The following TMC1 variants were observed in gnomAD, a reference collection of about 807,000 sequenced individuals.
TMC1 encodes the protein transmembrane channel like 1.
A neutral mutation model predicts 105.8 loss-of-function variants in TMC1; 84 were observed. The observed-to-expected ratio is 0.79, with a 90% CI of 0.67 to 0.95. TMC1 has a LOEUF of 0.95. Ranked by LOEUF, TMC1 falls within the 40% of genes least tolerant of loss-of-function variation. The pLI is 0.00. For synonymous variants in TMC1, 315 were observed against 311.5 expected (o/e 1.01, Z -0.12); for missense variants, 817 against 914.1 (o/e 0.89, Z 1.37).
At chr9:72,638,270 TC>T (rs1825566993) in intron 4 of TMC1, among the ~76,000 whole-genome samples, 1 of 152,152 alleles carries the variant, frequency 6.6e-6, no homozygotes, top group African/African-American at 2.4e-5. Flanking sequence ...CATCTATCAC[TC>T]CCCACACACT....
intron 8 of TMC1, among the ~76,000 whole-genome samples, chr9:72,732,367 A>T (rs1827226108): frequency 6.6e-6 from 1 of 152,182 alleles, no homozygotes; most frequent in African/African-American, 2.4e-5. Flanking sequence ...GTTCGAAAAC[A>T]GCCTGGCCAA....
chr9:72,805,185 G>A, intron 17 of TMC1, 197 bp from the exon 18 acceptor site: 1 of 455,800 alleles, frequency 2.2e-6, no homozygotes, highest in Non-Finnish European at 3.8e-6. Context: ...TAGTAAACGG[G>A]AAATAATTAT....
intron 3 of TMC1, among the ~76,000 whole-genome samples, chr9:72,619,538 T>G (rs1321144275): frequency 6.6e-6 from 1 of 152,134 alleles, no homozygotes; most frequent in African/African-American, 2.4e-5. Flanking sequence ...AGTTGCTATA[T>G]CTGTGTGGCA....
intron 5 of TMC1, 91 bp downstream of exon 5, chr9:72,648,755 T>A (rs1396594819): frequency 2.5e-6 from 3 of 1,199,078 alleles, no homozygotes; most frequent in Non-Finnish European, 3.7e-6. Flanking sequence ...TGTTTTACAA[T>A]TTTTGTTCCC....
chr9:72,582,834 A>C (rs894724756), intron 2 of TMC1, among the ~76,000 whole-genome samples: 2 of 152,252 alleles, frequency 1.3e-5, no homozygotes, highest in Non-Finnish European at 2.9e-5. Context: ...TGTTAAACCC[A>C]CACTAAACCT....
chr9:72,656,989 T>A (rs1825894452), intron 5 of TMC1, among the ~76,000 whole-genome samples: 1 of 152,216 alleles, frequency 6.6e-6, no homozygotes, highest in Non-Finnish European at 1.5e-5. Context: ...TCTTGTAAGG[T>A]CTGGACACTG....
chr9:72,663,245 A>G (rs1039461086), intron 5 of TMC1, among the ~76,000 whole-genome samples: 2 of 152,084 alleles, frequency 1.3e-5, no homozygotes, highest in Non-Finnish European at 2.9e-5. Context: ...AGGTGTTAGA[A>G]TTTGCTTCTT....
chr9:72,792,379 C>A (rs765470132), intron 17 of TMC1, 27 bp downstream of exon 17: 2 of 1,613,418 alleles, frequency 1.2e-6, no homozygotes, highest in Non-Finnish European at 1.7e-6. Context: ...AAGTGTATGG[C>A]AATTAGTAGA....
intron 20 of TMC1, among the ~76,000 whole-genome samples, chr9:72,825,183 A>C (rs1043657561): frequency 6.6e-6 from 1 of 152,210 alleles, no homozygotes; most frequent in South Asian, 2.1e-4. Context: ...TGCACTAAGC[A>C]CTAGAAGAGA....
At chr9:72,557,106 C>T (rs777167509) in intron 1 of TMC1, among the ~76,000 whole-genome samples, 1 of 152,200 alleles carries the variant, frequency 6.6e-6, no homozygotes, top group Non-Finnish European at 1.5e-5. Flanking sequence ...TGGCTTGGCT[C>T]ATGCCTATCA....
intron 1 of TMC1, among the ~76,000 whole-genome samples, chr9:72,566,817 CT>C (rs1415757917): frequency 2.6e-5 from 4 of 152,234 alleles, no homozygotes; most frequent in Non-Finnish European, 5.9e-5. Flanking sequence ...CTAAGGCCTT[CT>C]CCCCGCTTTC....
At position 72,751,967 on chromosome 9, in the gene TMC1, A is replaced by G. The variant is rs760128641; in HGVS notation, c.642+11A>G. ...ATCATGTTGCCAGAGGTGAGATCTGACTTCCAGTTTACAAAACATGCTGAA... is the reference window on the plus strand; with the variant it reads ...ATCATGTTGCCAGAGGTGAGATCTGGCTTCCAGTTTACAAAACATGCTGAA... On this transcript the variant is annotated intron_variant, in intron 11 of 23. Transcript: ENST00000297784. 6.5e-6 allele frequency: 10 copies of G among 1,528,936 alleles called. No homozygotes were observed. The South Asian group carries it at 1.1e-4, about 17-fold the overall frequency. 94.7% of individuals were successfully genotyped at this position (1,528,936 alleles called of 1,614,324 possible).
At chr9:72,678,084 CT>C (rs1826230418) in intron 5 of TMC1, among the ~76,000 whole-genome samples, 2 of 152,084 alleles carry the variant, frequency 1.3e-5, no homozygotes, top group African/African-American at 2.4e-5. Context: ...ACTTTCACAC[CT>C]TTTGGGTAAA....
intron 20 of TMC1, among the ~76,000 whole-genome samples, chr9:72,823,128 T>G (rs1185859117): frequency 6.6e-6 from 1 of 152,206 alleles, no homozygotes; most frequent in Non-Finnish European, 1.5e-5. Context: ...TCAGGGAATT[T>G]TAAATATTTT....
chr9:72,532,470 G>A (rs548409355), intron 1 of TMC1, among the ~76,000 whole-genome samples: 3 of 148,684 alleles, frequency 2.0e-5, no homozygotes, highest in African/African-American at 7.4e-5. Context: ...GAATCTGGGA[G>A]GCAGAGGTTG....
chr9:72,715,139 C>T (rs577395906), intron 8 of TMC1, among the ~76,000 whole-genome samples: 1 of 152,312 alleles, frequency 6.6e-6, no homozygotes, highest in East Asian at 1.9e-4. Context: ...TACTGTTAGT[C>T]TGATGGGCTT....
intron 6 of TMC1, 36 bp from the exon 7 acceptor site, chr9:72,694,507 T>G (rs537283212): frequency 6.3e-7 from 1 of 1,599,760 alleles, no homozygotes; most frequent in Non-Finnish European, 8.5e-7. Flanking sequence ...GGAAGCACTT[T>G]CTGACATTAC....
chr9:72,816,004 G>A (rs747335939), intron 18 of TMC1, 139 bp from the exon 19 acceptor site: 145 of 747,914 alleles, frequency 1.9e-4, no homozygotes, highest in Non-Finnish European at 1.2e-4. Flanking sequence ...TTTATATCTG[G>A]TTACTTATCC....
At chr9:72,754,734 G>A (rs374935163) in intron 11 of TMC1, 52 bp from the exon 12 acceptor site, 1 of 1,385,874 alleles carries the variant, frequency 7.2e-7, no homozygotes, top group Non-Finnish European at 1.0e-6. Context: ...TCACATGTGT[G>A]GCTCAGACTT....
Sources: gnomAD v4.1 joint callset for allele counts (sites outside exome capture counted in the v4.1 genomes callset) on GRCh38, gnomAD v4.1.1 for gene constraint, MANE v1.5 for transcripts, NCBI Gene and HGNC (gene_info 2026-07-23, HGNC 2026-07-21) for gene names.